Variants in MYT1 observed in about 807,000 individuals in gnomAD.
MYT1 encodes the protein myelin transcription factor 1.
Under a neutral mutation model 123.0 loss-of-function variants are expected in MYT1, and 23 were observed. The ratio of observed to expected loss-of-function variants is 0.19; its 90% CI spans 0.13 to 0.26. The LOEUF (loss-of-function observed/expected upper bound fraction) is 0.26. Among genes scored for constraint, MYT1 ranks in the 10% least tolerant of loss-of-function variants. The probability of loss-of-function intolerance (pLI) is 1.00; values close to 1 mark genes in which losing one functional copy is unlikely to be tolerated. For synonymous variants in MYT1, 518 were observed against 575.3 expected, an observed-to-expected ratio of 0.90 and a Z score of 1.43; for missense variants, 1,125 against 1,472.5, an observed-to-expected ratio of 0.76 and a Z score of 3.86.
chr20:64,180,307 T>C (rs1982615310), intron 1 of MYT1, among the ~76,000 whole-genome samples: 1 of 152,268 alleles, frequency 6.6e-6, no homozygotes, highest in South Asian at 2.1e-4. Flanking sequence ...CACAAGTTCA[T>C]ATTGATAACC....
At chr20:64,239,654 C>T (rs1434990475) in intron 21 of MYT1, 106 bp from the exon 22 acceptor site, 11 of 1,513,888 alleles carry the variant, frequency 7.3e-6, no homozygotes, top group African/African-American at 2.8e-5. Flanking sequence ...TCCCCCACCC[C>T]AGGGTTCTGC....
At chr20:64,195,219 A>G (rs1364980654) in intron 2 of MYT1, among the ~76,000 whole-genome samples, 1 of 151,958 alleles carries the variant, frequency 6.6e-6, no homozygotes, top group Non-Finnish European at 1.5e-5. Flanking sequence ...CTAGGTTTCA[A>G]GATTGCTTAC....
chr20:64,168,439 G>T lies in MYT1; in HGVS notation c.-99+3700G>T, dbSNP rs1444943165. Among the ~76,000 whole-genome samples, 1 of 152,178 alleles carries T rather than the reference G, an allele frequency of 6.6e-6. No individual in the cohort carries two copies. Among genetic ancestry groups the T allele is most frequent in the Non-Finnish European group, 1.5e-5 (1 of 68,034 alleles). On this transcript the variant is annotated intron_variant, in intron 1 of 22. Transcript: ENST00000328439. The surrounding 1 kb of genome is among the most constrained non-coding windows in gnomAD (Gnocchi z 6.1). ...TATTTTACAATTTGCACTTAAAAAT[G>T]CAATGTTATTTTAATCGGGAACGAA... is the stretch of plus-strand genomic sequence containing the variant.
rs1279209327 is a variant in MYT1, at chr20:64,218,272, A to T, written c.1847-639A>T. Reference sequence around the variant, plus strand: ...TTCTGGATATACTGGTGACATCGTGATTGCTGAGAACATCGTGCATGAGAG... The same window carrying T: ...TTCTGGATATACTGGTGACATCGTGTTTGCTGAGAACATCGTGCATGAGAG... On this transcript the variant is annotated intron_variant, in intron 11 of 22. Coordinates refer to ENST00000328439, the MANE Select transcript of MYT1 (RefSeq NM_004535.3). This position sits in a 1 kb window ranked among gnomAD's most constrained non-coding sequence, Gnocchi z 4.0. 6.6e-6 allele frequency among the ~76,000 whole-genome samples: 1 copy of T among 152,248 alleles called. No homozygotes were observed. The highest frequency in any genetic ancestry group is 2.4e-5 in the African/African-American group (1 of 41,460).
At chr20:64,172,687 G>T (rs1982321505) in intron 1 of MYT1, among the ~76,000 whole-genome samples, 2 of 150,210 alleles carry the variant, frequency 1.3e-5, no homozygotes, top group Admixed American at 1.3e-4. Context: ...AGTTCCCAAA[G>T]ATCCATGGGG....
chr20:64,201,828 C>T (rs1265490433), intron 4 of MYT1, among the ~76,000 whole-genome samples: 3 of 152,248 alleles, frequency 2.0e-5, no homozygotes, highest in Non-Finnish European at 4.4e-5. Flanking sequence ...GTGAGAGGAG[C>T]ATCGCGTCCT....
Position 64,168,077 on chromosome 20 carries a change from C to T in MYT1, c.-99+3338C>T, listed in dbSNP as rs567271092. Among the ~76,000 whole-genome samples the T allele has an allele frequency of 6.6e-6, 1 of 152,348 alleles. No homozygotes were observed. Among genetic ancestry groups the T allele is most frequent in the East Asian group, 1.9e-4 (1 of 5,184 alleles). ...CTGGAGGCCTGGGGGGTGGAATGTG[C>T]TTTCACGGCCTCTTGAGGTTCCCGG... On this transcript the variant is annotated intron_variant, in intron 1 of 22. Coordinates refer to ENST00000328439, the MANE Select transcript of MYT1 (RefSeq NM_004535.3). This position sits in a 1 kb window ranked among gnomAD's most constrained non-coding sequence, Gnocchi z 6.1.
intron 2 of MYT1, among the ~76,000 whole-genome samples, chr20:64,198,508 T>A (rs16984249): frequency 0.034 from 5,206 of 152,138 alleles, 296 homozygotes; most frequent in African/African-American, 0.12. Context: ...GGAGACCCTC[T>A]TGGATAACAT....
chr20:64,175,923 T>G (rs796559641), intron 1 of MYT1, among the ~76,000 whole-genome samples: 2 of 26,140 alleles, frequency 7.7e-5, no homozygotes, highest in African/African-American at 2.5e-4. Context: ...CCTCCCTGGC[T>G]TCTCCTGCAG....
At chr20:64,211,025 G>A (rs1247526516) in intron 7 of MYT1, among the ~76,000 whole-genome samples, 181 bp from the exon 8 acceptor site, 1 of 152,250 alleles carries the variant, frequency 6.6e-6, no homozygotes, top group Non-Finnish European at 1.5e-5. Context: ...CAGGCAGCCA[G>A]TGTGGGCTGG....
intron 2 of MYT1, among the ~76,000 whole-genome samples, chr20:64,195,401 C>CTTTTTT (rs397753483): frequency 0.55 from 56,915 of 103,838 alleles, 19,929 homozygotes; most frequent in East Asian, 0.65. Flanking sequence ...TGTGTGTATA[C>CTTTTTT]TTTTTTTTTT....
chr20:64,207,430 GTCCATACCAAA>G (rs1983512600), intron 6 of MYT1, among the ~76,000 whole-genome samples, 153 bp from the exon 7 acceptor site: 1 of 152,162 alleles, frequency 6.6e-6, no homozygotes, highest in Non-Finnish European at 1.5e-5. Context: ...TGACAGAAAG[GTCCATACCAAA>G]TCCCCACTTC....
At chr20:64,223,395 C>T in intron 16 of MYT1, 36 bp downstream of exon 16, 1 of 1,609,606 alleles carries the variant, frequency 6.2e-7, no homozygotes, top group Non-Finnish European at 8.5e-7. Flanking sequence ...GTCTCTTGGG[C>T]GGCACCCTCG....
intron 4 of MYT1, 134 bp downstream of exon 4, chr20:64,200,056 C>T: frequency 9.6e-7 from 1 of 1,037,554 alleles, no homozygotes; most frequent in Non-Finnish European, 1.5e-6. Flanking sequence ...CCTAAGGAGA[C>T]TGCCTTTCTC....
chr20:64,235,869 C>T (rs565734598), intron 19 of MYT1, among the ~76,000 whole-genome samples: 15 of 132,400 alleles, frequency 1.1e-4, no homozygotes, highest in African/African-American at 2.1e-4. Context: ...TGGTGGGTGA[C>T]GCTGGGATGG....
Position 64,211,908 on chromosome 20 carries a change from G to C in MYT1, c.1427-140G>C, listed in dbSNP as rs1158244521. The C allele has an allele frequency of 1.0e-4, 73 of 703,608 alleles. 1 individual carries two copies. In the South Asian group the frequency reaches 1.2e-3, roughly 11 times the overall value. 43.6% of individuals were successfully genotyped at this position (703,608 alleles called of 1,614,324 possible). A position where few individuals can be genotyped will look rare whatever the true frequency, so the allele number is the denominator to read the frequency against. ...TTGGGGGCTGGAGCTGCCCTGCGTT[G>C]CTGTGTCCCCCACCTGCCTACCAAG... On this transcript the variant is annotated intron_variant, in intron 8 of 22. Coordinates refer to ENST00000328439, the MANE Select transcript of MYT1 (RefSeq NM_004535.3).
chr20:64,230,724 G>A (rs1050589449), intron 18 of MYT1, among the ~76,000 whole-genome samples: 7 of 152,208 alleles, frequency 4.6e-5, no homozygotes, highest in Non-Finnish European at 1.5e-5. Context: ...AGGGGCCCCT[G>A]GCAGTGTCTC....
chr20:64,187,850 T>C (rs1232393983), intron 1 of MYT1, among the ~76,000 whole-genome samples: 1 of 152,226 alleles, frequency 6.6e-6, no homozygotes, highest in African/African-American at 2.4e-5. Context: ...TTGTGGTTAC[T>C]TGTGTGCTCT....
At chr20:64,173,687 C>T (rs1259820984) in intron 1 of MYT1, among the ~76,000 whole-genome samples, 19 of 131,290 alleles carry the variant, frequency 1.4e-4, no homozygotes, top group South Asian at 2.6e-4. Context: ...TCTCCTCCTG[C>T]AGCATCTTTC....
Sources: gnomAD v4.1 joint callset for allele counts (sites outside exome capture counted in the v4.1 genomes callset) on GRCh38, gnomAD v4.1.1 for gene constraint, Gnocchi (gnomAD v3.1) non-coding constraint, MANE v1.5 for transcripts, NCBI Gene and HGNC (gene_info 2026-07-23, HGNC 2026-07-21) for gene names.